EDN3: variants seen among roughly 807,000 people sequenced by gnomAD.
The protein encoded by EDN3 is endothelin-3.
EDN3 carries 9 observed loss-of-function variants against 21.4 expected under a neutral mutation model. The ratio of observed to expected loss-of-function variants is 0.42; its 90% CI spans 0.25 to 0.73. The LOEUF is 0.73. Among genes scored for constraint, EDN3 ranks in the 30% least tolerant of loss-of-function variants. EDN3 has a pLI of 0.26. For missense variants in EDN3, 327 were observed against 309.4 expected (o/e 1.06, Z -0.43); for synonymous variants, 133 against 126.2 (o/e 1.05, Z -0.36).
At chr20:59,318,236 C>A (rs1417782002) in intron 2 of EDN3, among the ~76,000 whole-genome samples, 1 of 152,194 alleles carries the variant, frequency 6.6e-6, no homozygotes, top group African/African-American at 2.4e-5. Context: ...CAGCCTGGGG[C>A]ATGCACGGGG....
intron 2 of EDN3, among the ~76,000 whole-genome samples, chr20:59,313,588 T>C (rs553932891): frequency 1.3e-5 from 2 of 152,336 alleles, no homozygotes; most frequent in South Asian, 4.1e-4. Context: ...CATTGCTCAC[T>C]GCTTTTGGTA....
chr20:59,302,983 A>G (rs934131610), intron 2 of EDN3, among the ~76,000 whole-genome samples: 1 of 152,148 alleles, frequency 6.6e-6, no homozygotes, highest in African/African-American at 2.4e-5. Flanking sequence ...CAAGACCTCT[A>G]ATCACATCCA....
At chr20:59,309,484 C>A (rs1989651451) in intron 2 of EDN3, among the ~76,000 whole-genome samples, 1 of 152,258 alleles carries the variant, frequency 6.6e-6, no homozygotes, top group South Asian at 2.1e-4. Flanking sequence ...ATCCCACAGA[C>A]ATCTATTTAG....
At chr20:59,311,245 A>G (rs1393458012) in intron 2 of EDN3, among the ~76,000 whole-genome samples, 1 of 152,116 alleles carries the variant, frequency 6.6e-6, no homozygotes, top group Non-Finnish European at 1.5e-5. Flanking sequence ...ATTACTGGAA[A>G]GGGGTCCCGA....
intron 2 of EDN3, among the ~76,000 whole-genome samples, chr20:59,320,253 G>A (rs547263371): frequency 6.6e-6 from 1 of 152,338 alleles, no homozygotes; most frequent in South Asian, 2.1e-4. Flanking sequence ...TCTGATGTTT[G>A]TCTCTTTGAG....
chr20:59,302,542 C>T (rs1228544018), intron 2 of EDN3, among the ~76,000 whole-genome samples: 1 of 152,126 alleles, frequency 6.6e-6, no homozygotes, highest in African/African-American at 2.4e-5. Context: ...ACCCCTCCTG[C>T]AGGCACATCA....
rs1990505629 is a variant in EDN3 at position 59,321,078 on chromosome 20, G to C, written c.427G>C (p.Gly143Arg). 6.2e-7 allele frequency: 1 copy of C among 1,614,202 alleles called. No individual in the cohort carries two copies. Among genetic ancestry groups the C allele is most frequent in the Non-Finnish European group, 8.5e-7 (1 of 1,180,040 alleles). Residue 143 changes from glycine to arginine, a missense_variant, in exon 3 of 5, where the codon GGG (glycine) becomes CGG (arginine). Coordinates refer to ENST00000337938, the MANE Select transcript of EDN3 (RefSeq NM_207034.3). ...RGSFRGKRSAGPLPGNLQLSH... is the reference protein window; with the variant it reads ...RGSFRGKRSARPLPGNLQLSH... ...AAGCTTCCGGGGCAAGAGGTCTGCG[G>C]GGCCACTTCCAGGGAATCTGCAGCT...
intron 2 of EDN3, among the ~76,000 whole-genome samples, chr20:59,308,305 G>A (rs1161395228): frequency 6.6e-6 from 1 of 152,210 alleles, no homozygotes; most frequent in East Asian, 1.9e-4. Context: ...GCCTTGTTCT[G>A]TCTTCTTGCT....
chr20:59,310,005 G>T (rs926953205), intron 2 of EDN3, among the ~76,000 whole-genome samples: 1 of 152,196 alleles, frequency 6.6e-6, no homozygotes, highest in African/African-American at 2.4e-5. Flanking sequence ...ATTTGGATTT[G>T]TGCTAGATGA....
rs372569173 is a variant in EDN3 at position 59,324,601 on chromosome 20, C to T, written c.*142C>T. 1.2e-5 allele frequency: 13 copies of T among 1,097,850 alleles called. No individual in the cohort carries two copies. The highest frequency in any genetic ancestry group is 8.4e-5 in the Admixed American group (4 of 47,768). The allele number at this position is 1,097,850 out of a possible 1,614,324, so 68.0% of individuals were successfully genotyped here. ...CAAAGAGTCCCCACTTAACAATACCCCCCCCCCACGGCAAGAATGCCCAAA... is the reference window on the plus strand; with the variant it reads ...CAAAGAGTCCCCACTTAACAATACCTCCCCCCCACGGCAAGAATGCCCAAA... On this transcript the variant is annotated 3_prime_UTR_variant, in exon 5 of 5. Coordinates refer to ENST00000337938, the MANE Select transcript of EDN3 (RefSeq NM_207034.3).
rs930923325 is a variant in EDN3 at position 59,324,931 on chromosome 20, C to T, written c.*472C>T. 3 of 216,432 alleles carry T rather than the reference C, an allele frequency of 1.4e-5. No individual in the cohort carries two copies. The highest frequency in any genetic ancestry group is 8.3e-5 in the South Asian group (1 of 12,056). 13.4% of individuals were successfully genotyped at this position (216,432 alleles called of 1,614,324 possible). A position where few individuals can be genotyped will look rare whatever the true frequency, so the allele number is the denominator to read the frequency against. On this transcript the variant is annotated 3_prime_UTR_variant, in exon 5 of 5. Coordinates refer to ENST00000337938, the MANE Select transcript of EDN3 (RefSeq NM_207034.3). ...GTGTATGTCAGTGAGGGCCACGAGG[C>T]GTCGGCTTTAGACACAGATCATAGC...
chr20:59,308,722 A>T (rs1004341385), intron 2 of EDN3, among the ~76,000 whole-genome samples: 1 of 152,218 alleles, frequency 6.6e-6, no homozygotes, highest in Non-Finnish European at 1.5e-5. Context: ...GGTGGCCACA[A>T]TGATAACAAC....
At chr20:59,303,989 G>T (rs1989227005) in intron 2 of EDN3, among the ~76,000 whole-genome samples, 1 of 152,030 alleles carries the variant, frequency 6.6e-6, no homozygotes, top group Admixed American at 6.6e-5. Context: ...TTTTTATGAG[G>T]CAGAACTTCC....
At position 59,300,772 on chromosome 20, in the gene EDN3, C is replaced by G. The variant is rs371551500; in HGVS notation, c.-41C>G. On this transcript the variant is annotated 5_prime_UTR_variant, in exon 1 of 5. Transcript: ENST00000337938. ...AGTGCCCTTTCGCGGCCACAAGCGGCCGTCCTCCTGGTCCGGTGCTCCGGC... is the reference window on the plus strand; with the variant it reads ...AGTGCCCTTTCGCGGCCACAAGCGGGCGTCCTCCTGGTCCGGTGCTCCGGC... The G allele has an allele frequency of 5.3e-5, 84 of 1,595,398 alleles. No individual in the cohort carries two copies. Among genetic ancestry groups the G allele is most frequent in the Non-Finnish European group, 6.7e-5 (78 of 1,172,666 alleles).
chr20:59,310,491 A>G (rs749454556), intron 2 of EDN3, among the ~76,000 whole-genome samples: 1 of 152,170 alleles, frequency 6.6e-6, no homozygotes, highest in Non-Finnish European at 1.5e-5. Context: ...CCTCCCAAGA[A>G]TAGACAGACA....
intron 2 of EDN3, among the ~76,000 whole-genome samples, chr20:59,304,956 T>G (rs1281213185): frequency 6.6e-6 from 1 of 152,174 alleles, no homozygotes; most frequent in Non-Finnish European, 1.5e-5. Context: ...TTGCTGTTGC[T>G]GAGCCCCTAA....
At chr20:59,320,354 G>A (rs1600754597) in intron 2 of EDN3, among the ~76,000 whole-genome samples, 1 of 152,390 alleles carries the variant, frequency 6.6e-6, no homozygotes, top group Non-Finnish European at 1.5e-5. Context: ...GCACATGGAA[G>A]AAATTCAGTC....
At chr20:59,313,181 G>A (rs1259367764) in intron 2 of EDN3, among the ~76,000 whole-genome samples, 1 of 152,336 alleles carries the variant, frequency 6.6e-6, no homozygotes, top group Non-Finnish European at 1.5e-5. Flanking sequence ...GCTGTGCAGT[G>A]ATGGCTCATT....
chr20:59,306,819 G>C (rs533652914), intron 2 of EDN3, among the ~76,000 whole-genome samples: 1 of 152,190 alleles, frequency 6.6e-6, no homozygotes, highest in African/African-American at 2.4e-5. Flanking sequence ...GGAGCCAGCT[G>C]AGCACCAGAA....
Sources: gnomAD v4.1 joint callset for allele counts (sites outside exome capture counted in the v4.1 genomes callset) on GRCh38, gnomAD v4.1.1 for gene constraint, MANE v1.5 for transcripts, NCBI Gene and HGNC (gene_info 2026-07-23, HGNC 2026-07-21) for gene names.